KIF26B: variants seen among roughly 807,000 people sequenced by gnomAD.
The protein encoded by KIF26B is kinesin-like protein KIF26B.
In KIF26B, 63 loss-of-function variants were observed where a neutral mutation model predicts 151.2. The observed-to-expected ratio is 0.42, with a 90% CI of 0.34 to 0.51. KIF26B has a LOEUF of 0.51. Among genes scored for constraint, KIF26B ranks in the 20% least tolerant of loss-of-function variants. The pLI is 0.07. For synonymous variants in KIF26B, 1,357 were observed against 1,262.1 expected, an observed-to-expected ratio of 1.08 and a Z score of -1.59; for missense variants, 2,813 against 2,913.6, an observed-to-expected ratio of 0.97 and a Z score of 0.79.
intron 9 of KIF26B, among the ~76,000 whole-genome samples, chr1:245,618,111 T>C (rs1315959574): frequency 6.6e-6 from 1 of 152,134 alleles, no homozygotes; most frequent in Non-Finnish European, 1.5e-5. Flanking sequence ...GGAACCACAA[T>C]GGCACCTTGC....
rs1419641883 is a variant in KIF26B, at chr1:245,563,624, G to A, written c.1350+22674G>A. 1.3e-5 allele frequency among the ~76,000 whole-genome samples: 2 copies of A among 152,214 alleles called. No individual in the cohort carries two copies. The highest frequency in any genetic ancestry group is 2.4e-5 in the African/African-American group (1 of 41,450). On this transcript the variant is annotated intron_variant, in intron 5 of 14. Transcript: ENST00000407071. The surrounding 1 kb of genome is among the most constrained non-coding windows in gnomAD (Gnocchi z 4.6). ...TATGAAGCAGCCAGTGGCCTCGGGA[G>A]TGGGGCTGCTTGAGACTGTGGGAAC...
chr1:245,228,649 A>G (rs1246944733), intron 2 of KIF26B, among the ~76,000 whole-genome samples: 1 of 152,158 alleles, frequency 6.6e-6, no homozygotes, highest in African/African-American at 2.4e-5. Context: ...ATAACAATAA[A>G]ATACAATTAT....
chr1:245,360,268 C>T (rs899822856), intron 2 of KIF26B, among the ~76,000 whole-genome samples: 6 of 152,048 alleles, frequency 3.9e-5, no homozygotes, highest in Admixed American at 2.0e-4. Flanking sequence ...ATTGCAAAAG[C>T]GCCAAATCCT....
intron 2 of KIF26B, among the ~76,000 whole-genome samples, chr1:245,273,414 C>T (rs1670885007): frequency 9.7e-6 from 1 of 103,182 alleles, no homozygotes; most frequent in African/African-American, 4.2e-5. Flanking sequence ...CGAGACTTAT[C>T]TCAAAAAAAA....
At chr1:245,377,883 G>A (rs6664138) in intron 3 of KIF26B, among the ~76,000 whole-genome samples, 10,005 of 152,160 alleles carry the variant, frequency 0.066, 1,133 homozygotes, top group African/African-American at 0.23. Context: ...ATACCTGCAT[G>A]CATCCTTATA....
chr1:245,249,154 C>T (rs1256478271), intron 2 of KIF26B, among the ~76,000 whole-genome samples: 1 of 152,136 alleles, frequency 6.6e-6, no homozygotes. Context: ...CTCTTTCGCC[C>T]AGGCTGGAGA....
intron 2 of KIF26B, among the ~76,000 whole-genome samples, chr1:245,173,754 C>G (rs532128832): frequency 6.6e-6 from 1 of 152,300 alleles, no homozygotes; most frequent in East Asian, 1.9e-4. Context: ...GCAGGAGTCC[C>G]CCCCACCTTT....
chr1:245,446,658 G>A (rs1283694672), intron 4 of KIF26B, among the ~76,000 whole-genome samples: 1 of 152,140 alleles, frequency 6.6e-6, no homozygotes, highest in African/African-American at 2.4e-5. Context: ...TTAGATTTAA[G>A]AGTAATAGAA....
intron 2 of KIF26B, among the ~76,000 whole-genome samples, chr1:245,157,778 A>G (rs1668470550): frequency 6.6e-6 from 1 of 152,228 alleles, no homozygotes; most frequent in African/African-American, 2.4e-5. Context: ...CTGCCGTGAC[A>G]TCCCAAGGAT....
intron 3 of KIF26B, among the ~76,000 whole-genome samples, chr1:245,396,962 C>CTT (rs551332249): frequency 2.1e-5 from 2 of 94,258 alleles, no homozygotes; most frequent in African/African-American, 6.6e-5. Flanking sequence ...ATTTCTACTC[C>CTT]TTTTTTTTTT....
At chr1:245,261,879 G>A (rs1406989870) in intron 2 of KIF26B, among the ~76,000 whole-genome samples, 2 of 152,144 alleles carry the variant, frequency 1.3e-5, no homozygotes, top group African/African-American at 2.4e-5. Context: ...CACCATGCCC[G>A]GCTCAACCCT....
At chr1:245,279,124 A>G (rs1452478783) in intron 2 of KIF26B, among the ~76,000 whole-genome samples, 1 of 152,082 alleles carries the variant, frequency 6.6e-6, no homozygotes, top group African/African-American at 2.4e-5. Context: ...GTTCCCATGC[A>G]TGGAACTGTG....
intron 2 of KIF26B, among the ~76,000 whole-genome samples, chr1:245,201,560 C>T (rs1433722748): frequency 6.6e-6 from 1 of 152,172 alleles, no homozygotes; most frequent in Non-Finnish European, 1.5e-5. Context: ...ACTTTTAAGA[C>T]AACAACCTAG....
At chr1:245,440,033 A>G (rs953922065) in intron 4 of KIF26B, among the ~76,000 whole-genome samples, 1 of 152,160 alleles carries the variant, frequency 6.6e-6, no homozygotes, top group African/African-American at 2.4e-5. Flanking sequence ...CATCCTGGCT[A>G]ACACGGTGAA....
rs755834397 is a variant in KIF26B, at chr1:245,687,958, C to G, written c.4975C>G (p.Leu1659Val). 1.3e-6 allele frequency: 2 copies of G among 1,587,872 alleles called. No homozygotes were observed. The highest frequency in any genetic ancestry group is 1.7e-6 in the Non-Finnish European group (2 of 1,169,022). The change falls in exon 12 of 15, where the codon CTG becomes GTG. Residue 1659 changes from leucine (L) to valine (V), a missense_variant. Physicochemically the swap from Leu to Val is conservative, Grantham distance 32. This residue lies in a region of KIF26B where 2,060 missense variants were observed against 2,088.6 expected (regional missense o/e 0.99). Coordinates refer to ENST00000407071, the MANE Select transcript of KIF26B (RefSeq NM_018012.4). This position sits in a 1 kb window ranked among gnomAD's most constrained non-coding sequence, Gnocchi z 4.9. ...SSSSKLFSAK[L>V]EQLASRSNSL... ...CAGCAGCAAGCTCTTCAGTGCCAAG[C>G]TGGAGCAGCTGGCCAGCAGAAGCAA... is the stretch of plus-strand genomic sequence containing the variant.
chr1:245,595,372 AG>A (rs1404174090), intron 5 of KIF26B, among the ~76,000 whole-genome samples: 1 of 152,192 alleles, frequency 6.6e-6, no homozygotes, highest in Non-Finnish European at 1.5e-5. Flanking sequence ...TTTAGCATGA[AG>A]GGGTGTTGAA....
intron 2 of KIF26B, among the ~76,000 whole-genome samples, chr1:245,204,061 T>C (rs1400756649): frequency 6.6e-6 from 1 of 152,190 alleles, no homozygotes; most frequent in Non-Finnish European, 1.5e-5. Context: ...GAGTCAGCAA[T>C]GAGCTTACAT....
At chr1:245,304,081 C>T (rs2102979081) in intron 2 of KIF26B, among the ~76,000 whole-genome samples, 1 of 152,354 alleles carries the variant, frequency 6.6e-6, no homozygotes, top group Admixed American at 6.5e-5. Context: ...AATAAAGCAG[C>T]ATTCCAGTTG....
intron 4 of KIF26B, among the ~76,000 whole-genome samples, chr1:245,503,467 C>G (rs1660664455): frequency 6.6e-6 from 1 of 152,172 alleles, no homozygotes; most frequent in East Asian, 1.9e-4. Context: ...ACAGATCTAA[C>G]TAAATATTAG....
Sources: gnomAD v4.1 joint callset for allele counts (sites outside exome capture counted in the v4.1 genomes callset) on GRCh38, gnomAD v4.1.1 for gene constraint, gnomAD v4.1.1 regional missense constraint, Gnocchi (gnomAD v3.1) non-coding constraint, MANE v1.5 for transcripts, NCBI Gene and HGNC (gene_info 2026-07-23, HGNC 2026-07-21) for gene names.